HOMER1: variants seen among roughly 807,000 people sequenced by gnomAD.
The protein encoded by HOMER1 is homer scaffold protein 1.
A neutral mutation model predicts 48.9 loss-of-function variants in HOMER1; 3 were observed. The observed-to-expected ratio is 0.06, with a 90% CI of 0.03 to 0.16. The LOEUF (loss-of-function observed/expected upper bound fraction) is 0.16, where lower values mean the gene tolerates loss of function less well. Among genes scored for constraint, HOMER1 ranks in the 10% least tolerant of loss-of-function variants. The pLI is 1.00. For synonymous variants in HOMER1, 134 were observed against 146.4 expected (o/e 0.92, Z 0.61); for missense variants, 247 against 411.4 (o/e 0.60, Z 3.46).
intron 1 of HOMER1, among the ~76,000 whole-genome samples, chr5:79,509,867 CTAACA>C (rs1450727921): frequency 3.9e-5 from 6 of 151,984 alleles, no homozygotes; most frequent in African/African-American, 7.3e-5. Flanking sequence ...TTATTATAAC[CTAACA>C]TTAGTTTAAA....
At chr5:79,458,284 T>C (rs949413169) in intron 1 of HOMER1, among the ~76,000 whole-genome samples, 3 of 152,104 alleles carry the variant, frequency 2.0e-5, no homozygotes, top group Non-Finnish European at 2.9e-5. Flanking sequence ...TTTATCAAGC[T>C]TGTTTTTTTA....
At chr5:79,477,832 T>TAA (rs2112336191) in intron 1 of HOMER1, among the ~76,000 whole-genome samples, 1 of 152,072 alleles carries the variant, frequency 6.6e-6, no homozygotes, top group East Asian at 1.9e-4. Flanking sequence ...AGCCAGGAGT[T>TAA]GTAAGTATGC....
intron 3 of HOMER1, among the ~76,000 whole-genome samples, 190 bp downstream of exon 3, chr5:79,450,800 T>G (rs1294080741): frequency 1.3e-5 from 2 of 152,252 alleles, no homozygotes; most frequent in Non-Finnish European, 2.9e-5. Flanking sequence ...TGACTGTTTT[T>G]AATGTGTACA....
intron 4 of HOMER1, among the ~76,000 whole-genome samples, chr5:79,440,891 G>A (rs1206982196): frequency 2.6e-5 from 4 of 152,300 alleles, no homozygotes; most frequent in African/African-American, 7.2e-5. Context: ...CGGCCGGGAC[G>A]TGGTGCCTCA....
intron 5 of HOMER1, among the ~76,000 whole-genome samples, chr5:79,433,640 T>TA (rs907246483): frequency 2.0e-4 from 30 of 152,330 alleles, no homozygotes; most frequent in African/African-American, 7.0e-4. Context: ...CTGTTAAATA[T>TA]AAAAATTTTG....
intron 1 of HOMER1, among the ~76,000 whole-genome samples, chr5:79,467,391 CAAAAAAAAAA>C (rs71767032): frequency 3.9e-4 from 20 of 51,636 alleles, no homozygotes; most frequent in Admixed American, 3.6e-3. Flanking sequence ...AACTCCATCT[CAAAAAAAAAA>C]AAAAAAAAAA....
At chr5:79,383,348 C>T (rs1228756659) in intron 8 of HOMER1, among the ~76,000 whole-genome samples, 1 of 151,830 alleles carries the variant, frequency 6.6e-6, no homozygotes, top group African/African-American at 2.4e-5. Flanking sequence ...TAAACTGGAC[C>T]TTGGACAGAC....
intron 8 of HOMER1, among the ~76,000 whole-genome samples, chr5:79,379,452 A>C: frequency 9.0e-6 from 1 of 111,412 alleles, no homozygotes; most frequent in Non-Finnish European, 1.7e-5. Context: ...TATTTATATA[A>C]TATATAATAT....
intron 8 of HOMER1, among the ~76,000 whole-genome samples, chr5:79,393,165 T>C (rs78667284): frequency 2.4e-4 from 37 of 152,258 alleles, no homozygotes; most frequent in African/African-American, 7.9e-4. Context: ...ACACTGCCTG[T>C]TCCCAAAAAC....
At chr5:79,495,966 GGAGT>G (rs1752409846) in intron 1 of HOMER1, among the ~76,000 whole-genome samples, 2 of 151,934 alleles carry the variant, frequency 1.3e-5, no homozygotes, top group Admixed American at 1.3e-4. Flanking sequence ...AAAGTTAAGG[GGAGT>G]GGAAAAAAAG....
At chr5:79,495,318 A>C (rs1283488630) in intron 1 of HOMER1, among the ~76,000 whole-genome samples, 2 of 152,082 alleles carry the variant, frequency 1.3e-5, no homozygotes, top group Non-Finnish European at 2.9e-5. Context: ...CCACCTCTCT[A>C]CCTAAAATAC....
intron 8 of HOMER1, among the ~76,000 whole-genome samples, chr5:79,378,034 A>G (rs993947083): frequency 6.6e-6 from 1 of 152,110 alleles, no homozygotes; most frequent in African/African-American, 2.4e-5. Flanking sequence ...CCTGGCCAAC[A>G]TGGCGAATCC....
chr5:79,417,611 C>A (rs78246290), intron 5 of HOMER1, among the ~76,000 whole-genome samples: 4,547 of 152,192 alleles, frequency 0.03, 208 homozygotes, highest in African/African-American at 0.1. Flanking sequence ...CTATCTCTTG[C>A]CAAGAATGAG....
intron 1 of HOMER1, among the ~76,000 whole-genome samples, chr5:79,458,862 C>T (rs1461021503): frequency 1.3e-5 from 2 of 152,156 alleles, no homozygotes; most frequent in Non-Finnish European, 2.9e-5. Flanking sequence ...TTCCCTCTTT[C>T]CCCATCCTCA....
chr5:79,438,351 C>G (rs1038015992), intron 5 of HOMER1, among the ~76,000 whole-genome samples: 45 of 152,226 alleles, frequency 3.0e-4, no homozygotes, highest in African/African-American at 1.0e-3. Flanking sequence ...CTAAATACAC[C>G]AAGTATGGCC....
intron 1 of HOMER1, among the ~76,000 whole-genome samples, chr5:79,502,142 C>T (rs1174821458): frequency 6.6e-6 from 1 of 151,400 alleles, no homozygotes; most frequent in Non-Finnish European, 1.5e-5. Context: ...GCCTCAGCCT[C>T]CCAAGTAGCT....
chr5:79,489,532 G>A (rs938906406), intron 1 of HOMER1, among the ~76,000 whole-genome samples: 1 of 151,930 alleles, frequency 6.6e-6, no homozygotes, highest in South Asian at 2.1e-4. Flanking sequence ...ACTCCAGCCT[G>A]GGCGACAGAG....
At chr5:79,472,785 A>T (rs1377757107) in intron 1 of HOMER1, among the ~76,000 whole-genome samples, 3 of 152,136 alleles carry the variant, frequency 2.0e-5, no homozygotes, top group African/African-American at 7.2e-5. Flanking sequence ...TCTCTAAAAA[A>T]AATGTTTTTA....
intron 5 of HOMER1, among the ~76,000 whole-genome samples, chr5:79,434,185 T>A (rs1414433459): frequency 6.6e-6 from 1 of 152,126 alleles, no homozygotes; most frequent in Non-Finnish European, 1.5e-5. Flanking sequence ...TATTTATCTA[T>A]ATTGTACCAT....
Sources: gnomAD v4.1 joint callset for allele counts (sites outside exome capture counted in the v4.1 genomes callset) on GRCh38, gnomAD v4.1.1 for gene constraint, MANE v1.5 for transcripts, NCBI Gene and HGNC (gene_info 2026-07-23, HGNC 2026-07-21) for gene names.